The following LANCL3 variants were observed in gnomAD, a reference collection of about 807,000 sequenced individuals.
The protein encoded by LANCL3 is LanC like family member 3.
LANCL3 carries 19 observed loss-of-function variants against 26.5 expected under a neutral mutation model. The ratio of observed to expected loss-of-function variants is 0.72; its 90% CI spans 0.50 to 1.05. The LOEUF (loss-of-function observed/expected upper bound fraction) is 1.05. Ranked by LOEUF, LANCL3 falls within the 50% of genes least tolerant of loss-of-function variation. The pLI, the probability that LANCL3 is intolerant of heterozygous loss-of-function variation, is 0.00. For missense variants in LANCL3, 318 were observed against 362.7 expected (o/e 0.88, Z 1.00); for synonymous variants, 160 against 166.6 (o/e 0.96, Z 0.30).
intron 1 of LANCL3, among the ~76,000 whole-genome samples, chrX:37,647,593 T>A (rs12843234): frequency 8.9e-6 from 1 of 112,208 alleles, no homozygotes; most frequent in African/African-American, 3.2e-5. Context: ...TCTTACTCTG[T>A]TACATATATG....
chrX:37,671,180 A>G (rs956930859), intron 4 of LANCL3, among the ~76,000 whole-genome samples: 5 of 111,390 alleles, frequency 4.5e-5, no homozygotes, highest in Non-Finnish European at 7.5e-5. Flanking sequence ...TTCTAAATAG[A>G]TACACACATA....
intron 1 of LANCL3, among the ~76,000 whole-genome samples, chrX:37,584,364 T>C (rs1255986102): frequency 9.2e-6 from 1 of 108,977 alleles, no homozygotes; most frequent in Non-Finnish European, 1.9e-5. Flanking sequence ...CCTCTTTTTC[T>C]ATTGATTGGA....
intron 1 of LANCL3, among the ~76,000 whole-genome samples, chrX:37,594,305 A>G (rs1924365353): frequency 8.9e-6 from 1 of 112,306 alleles, no homozygotes; most frequent in Non-Finnish European, 1.9e-5. Flanking sequence ...TTTTTACATA[A>G]GCTGTCCTAT....
intron 1 of LANCL3, among the ~76,000 whole-genome samples, chrX:37,584,937 C>G (rs1288041007): frequency 5.7e-4 from 64 of 111,367 alleles, no homozygotes; most frequent in African/African-American, 2.0e-3. Context: ...GGCATTTAGT[C>G]CTATAAATTT....
intron 1 of LANCL3, among the ~76,000 whole-genome samples, chrX:37,589,115 T>C (rs145591429): frequency 5.3e-5 from 6 of 112,327 alleles, no homozygotes; most frequent in African/African-American, 1.9e-4. Context: ...ATTGTCCTTA[T>C]GCATATATCA....
At chrX:37,628,971 G>A (rs1185491378) in intron 1 of LANCL3, among the ~76,000 whole-genome samples, 4 of 110,212 alleles carry the variant, frequency 3.6e-5, no homozygotes, top group Non-Finnish European at 5.7e-5. Context: ...CCAGTAATGG[G>A]ATGGCTGGGT....
intron 4 of LANCL3, among the ~76,000 whole-genome samples, chrX:37,670,034 T>C (rs969899937): frequency 8.9e-6 from 1 of 112,779 alleles, no homozygotes; most frequent in Non-Finnish European, 1.9e-5. Flanking sequence ...AACCAATCCT[T>C]AAATAATGGA....
chrX:37,583,224 G>A (rs1923954157), intron 1 of LANCL3, among the ~76,000 whole-genome samples: 1 of 112,014 alleles, frequency 8.9e-6, no homozygotes, highest in Admixed American at 9.4e-5. Flanking sequence ...CTGTAGCCTT[G>A]TAGTATAGTT....
intron 1 of LANCL3, among the ~76,000 whole-genome samples, chrX:37,614,184 G>C (rs1556421471): frequency 9.0e-6 from 1 of 111,088 alleles, no homozygotes; most frequent in Non-Finnish European, 1.9e-5. Context: ...CCACTAACTG[G>C]GGGCACCTTT....
At chrX:37,603,953 C>T (rs782273828) in intron 1 of LANCL3, among the ~76,000 whole-genome samples, 72 of 112,413 alleles carry the variant, frequency 6.4e-4, no homozygotes, top group African/African-American at 2.0e-3. Context: ...AATGAGGCTG[C>T]AATATTGAAA....
intron 1 of LANCL3, among the ~76,000 whole-genome samples, chrX:37,636,206 G>A (rs1331494079): frequency 8.9e-6 from 1 of 112,145 alleles, no homozygotes; most frequent in Non-Finnish European, 1.9e-5. Flanking sequence ...CCTTTATCCA[G>A]TCTACCATTG....
At chrX:37,616,302 C>T (rs1925005655) in intron 1 of LANCL3, among the ~76,000 whole-genome samples, 1 of 112,147 alleles carries the variant, frequency 8.9e-6, no homozygotes, top group African/African-American at 3.2e-5. Flanking sequence ...TTTTAAGAGG[C>T]ACTTCTTGGC....
At chrX:37,590,304 A>C (rs1255845610) in intron 1 of LANCL3, among the ~76,000 whole-genome samples, 2 of 112,866 alleles carry the variant, frequency 1.8e-5, no homozygotes, top group African/African-American at 3.2e-5. Flanking sequence ...ACACTGTCAA[A>C]GTGACAACTT....
At chrX:37,586,085 G>A (rs1185025363) in intron 1 of LANCL3, among the ~76,000 whole-genome samples, 3 of 111,406 alleles carry the variant, frequency 2.7e-5, no homozygotes, top group African/African-American at 6.5e-5. Flanking sequence ...GGAAATTCTC[G>A]GTTGAAAATT....
At chrX:37,658,957 T>G (rs1926351904) in intron 2 of LANCL3, among the ~76,000 whole-genome samples, 1 of 112,703 alleles carries the variant, frequency 8.9e-6, no homozygotes, top group Non-Finnish European at 1.9e-5. Context: ...TTAATACTTG[T>G]GTGTCGAATG....
In LANCL3 at chrX:37,659,556, G is replaced by A. The variant is rs782540654; in HGVS notation, c.792G>A (p.Val264=). 6 of 1,209,679 alleles carry A rather than the reference G, an allele frequency of 5.0e-6. No homozygotes were observed. The East Asian group carries it at 1.8e-4, about 36-fold the overall frequency. ...ATCGGGAATTGGTATGGCAGAGCGTGGACTTTCTCATGGAACAGGAACAAA... is the reference window on the plus strand; with the variant it reads ...ATCGGGAATTGGTATGGCAGAGCGTAGACTTTCTCATGGAACAGGAACAAA... ...PSDRELVWQS[V]DFLMEQEQNC... Residue 264 remains valine (V), a synonymous_variant, in exon 3 of 5, where the codon GTG becomes GTA. Coordinates refer to ENST00000378619, the MANE Select transcript of LANCL3 (RefSeq NM_001170331.2).
At chrX:37,675,383 A>C (rs782538482) in intron 4 of LANCL3, among the ~76,000 whole-genome samples, 36 of 112,579 alleles carry the variant, frequency 3.2e-4, no homozygotes, top group Non-Finnish European at 5.3e-4. Flanking sequence ...GATGACAGAA[A>C]GAATGAGATC....
At chrX:37,664,953 C>T (rs1926511606) in intron 3 of LANCL3, among the ~76,000 whole-genome samples, 1 of 111,414 alleles carries the variant, frequency 9.0e-6, no homozygotes, top group Non-Finnish European at 1.9e-5. Context: ...TTTATCCATT[C>T]CACCACTGAT....
chrX:37,607,129 G>T (rs372928147), intron 1 of LANCL3, among the ~76,000 whole-genome samples: 2 of 112,158 alleles, frequency 1.8e-5, no homozygotes, highest in African/African-American at 6.5e-5. Flanking sequence ...CAGCAATTTC[G>T]CAGTTTCTTC....
Sources: allele counts gnomAD v4.1 joint callset (sites outside exome capture counted in the v4.1 genomes callset), GRCh38; gene constraint gnomAD v4.1.1; transcripts MANE v1.5; gene names NCBI Gene and HGNC (gene_info 2026-07-23, HGNC 2026-07-21).